The following COX5B variants were observed in gnomAD, a reference collection of about 807,000 sequenced individuals.
COX5B encodes cytochrome c oxidase subunit 5B, mitochondrial.
COX5B carries 8 observed loss-of-function variants against 16.2 expected under a neutral mutation model. That is an observed-to-expected ratio of 0.49 (90% confidence interval 0.29 to 0.89). The LOEUF is 0.89. Ranked by LOEUF, COX5B falls within the 40% of genes least tolerant of loss-of-function variation. The probability of loss-of-function intolerance (pLI) is 0.08; values close to 1 mark genes in which losing one functional copy is unlikely to be tolerated. For synonymous variants in COX5B, 65 were observed against 67.6 expected, an observed-to-expected ratio of 0.96 and a Z score of 0.19; for missense variants, 161 against 168.7, an observed-to-expected ratio of 0.95 and a Z score of 0.25.
At chr2:97,646,466 C>T in intron 1 of COX5B, 1 of 438,400 alleles carries the variant, frequency 2.3e-6, no homozygotes, top group East Asian at 3.9e-5. Flanking sequence ...GGTCCGGCCT[C>T]CCTTCAAACC....
At chr2:97,646,983 C>T (rs1363365753) in intron 1 of COX5B, 84 bp from the exon 2 acceptor site, 2 of 1,417,640 alleles carry the variant, frequency 1.4e-6, no homozygotes, top group Non-Finnish European at 2.0e-6. Context: ...AGTTTCGGGG[C>T]ACCATTTTCC....
At position 97,646,138 on chromosome 2, in the gene COX5B, A is replaced by G; in HGVS notation, c.52A>G (p.Arg18Gly). ...GAGTLAAQAL[R>G]ARGPSGAAAM... ...TGGAACGCTGGCCGCGCAGGCCCTG[A>G]GGGCTCGCGGCCCCAGTGGCGCGGC... The change falls in exon 1 of 4, where the codon AGG (arginine) becomes GGG (glycine). Residue 18 changes from arginine to glycine, a missense_variant. By Grantham distance (125) the Arg-to-Gly change is moderately radical. Transcript: ENST00000258424. The G allele has an allele frequency of 6.4e-7, 1 of 1,557,254 alleles. No homozygotes were observed. The highest frequency in any genetic ancestry group is 8.7e-7 in the Non-Finnish European group (1 of 1,150,328).
At chr2:97,647,263 T>C in intron 2 of COX5B, 81 bp from the exon 3 acceptor site, 2 of 1,525,976 alleles carry the variant, frequency 1.3e-6, no homozygotes, top group Admixed American at 3.4e-5. Flanking sequence ...TCCCCTGAGC[T>C]TCTGGAAGGT....
Position 97,646,984 on chromosome 2 carries a change from A to C in COX5B, c.104-83A>C. On this transcript the variant is annotated intron_variant, in intron 1 of 3. Transcript: ENST00000258424. Reference sequence around the variant, plus strand: ...AAAACTTATACAGAAGTTTCGGGGCACCATTTTCCTTGATCATTTCTGTTT... The same window carrying C: ...AAAACTTATACAGAAGTTTCGGGGCCCCATTTTCCTTGATCATTTCTGTTT... 5 of 1,433,754 alleles carry C rather than the reference A, an allele frequency of 3.5e-6. No homozygotes were observed. The South Asian group carries it at 4.7e-5, about 13-fold the overall frequency. 88.8% of individuals were successfully genotyped at this position (1,433,754 alleles called of 1,614,324 possible).
intron 1 of COX5B, 41 bp downstream of exon 1, chr2:97,646,230 C>A: frequency 7.1e-7 from 1 of 1,399,234 alleles, no homozygotes; most frequent in South Asian, 1.3e-5. Context: ...AGAGTGTTGC[C>A]CTCCCAGGGT....
intron 3 of COX5B, 125 bp downstream of exon 3, chr2:97,647,568 C>G (rs1674681134): frequency 2.4e-6 from 2 of 823,442 alleles, no homozygotes; most frequent in Non-Finnish European, 4.0e-6. Flanking sequence ...TTGACACTCT[C>G]AAGCCTCATT....
In COX5B at chr2:97,647,355, T is replaced by C. The variant is rs768695897; in HGVS notation, c.189T>C (p.Asn63=). 1.2e-6 allele frequency: 2 copies of C among 1,613,692 alleles called. No individual in the cohort carries two copies. Among genetic ancestry groups the C allele is most frequent in the East Asian group, 2.2e-5 (1 of 44,896 alleles). The change falls in exon 3 of 4, where the codon AAT becomes AAC. Residue 63 remains asparagine (N), a synonymous_variant. Transcript: ENST00000258424. The stretch of plus-strand genomic sequence containing the variant: ...TGTTTTTTCTTCAGGACCCATACAA[T>C]GTACTGGCCCCAAAGGGAGCTTCAG... The part of the protein sequence containing the change: ...LAAKKGLDPY[N]VLAPKGASGT...
chr2:97,646,077 C>A lies in COX5B; in HGVS notation c.-10C>A, dbSNP rs1243320447. 1 of 1,550,778 alleles carries A rather than the reference C, an allele frequency of 6.4e-7. No individual in the cohort carries two copies. Among genetic ancestry groups the A allele is most frequent in the South Asian group, 1.2e-5 (1 of 84,042 alleles). ...TGTTCCCGGAAGTTTTGCTGCTAGT[C>A]GCGGACGCAATGGCTTCAAGGTTAC... On this transcript the variant is annotated 5_prime_UTR_variant, in exon 1 of 4. Coordinates refer to ENST00000258424, the MANE Select transcript of COX5B (RefSeq NM_001862.3).
rs562812458 is a variant in COX5B, at chr2:97,646,098, G to T, written c.12G>T (p.Arg4Ser). Residue 4 changes from arginine to serine, a missense_variant, in exon 1 of 4, where the codon AGG becomes AGT. Transcript: ENST00000258424. MASRLLRGAGTLAA... is the reference protein window; with the variant it reads MASSLLRGAGTLAA... ...TAGTCGCGGACGCAATGGCTTCAAG[G>T]TTACTTCGCGGAGCTGGAACGCTGG... The T allele has an allele frequency of 4.5e-5, 70 of 1,556,040 alleles. No individual in the cohort carries two copies. In the South Asian group the frequency reaches 8.1e-4, roughly 18 times the overall value.
At chr2:97,646,864 A>AAT in intron 1 of COX5B, 7 of 470,486 alleles carry the variant, frequency 1.5e-5, no homozygotes, top group Non-Finnish European at 2.7e-5. Flanking sequence ...AGAAAAAAAA[A>AAT]GCTCCCCCGA....
chr2:97,646,889 G>T, intron 1 of COX5B, 178 bp from the exon 2 acceptor site: 1 of 569,514 alleles, frequency 1.8e-6, no homozygotes. Flanking sequence ...TGCCGCTTGT[G>T]TGGATGGGTA....
chr2:97,646,865 G>C (rs1206649123), intron 1 of COX5B: 4 of 451,336 alleles, frequency 8.9e-6, no homozygotes, highest in African/African-American at 8.0e-5. Flanking sequence ...GAAAAAAAAA[G>C]CTCCCCCGAG....
chr2:97,648,209 T>C lies in COX5B; in HGVS notation c.*101T>C, dbSNP rs968153392. On this transcript the variant is annotated 3_prime_UTR_variant, in exon 4 of 4. Transcript: ENST00000258424. Reference sequence around the variant, plus strand: ...CTTCTCCCATAGATGGCTGGTCTTATTTCTTACCCGTATTCTTTGGTAGGC... The same window carrying C: ...CTTCTCCCATAGATGGCTGGTCTTACTTCTTACCCGTATTCTTTGGTAGGC... 5.7e-5 allele frequency: 57 copies of C among 993,970 alleles called. No individual in the cohort carries two copies. Among genetic ancestry groups the C allele is most frequent in the South Asian group, 7.1e-5 (4 of 56,384 alleles). The allele number at this position is 993,970 out of a possible 1,614,324, so 61.6% of individuals were successfully genotyped here. A position where few individuals can be genotyped will look rare whatever the true frequency, so the allele number is the denominator to read the frequency against.
At position 97,647,331 on chromosome 2, in the gene COX5B, GT is replaced by G; in HGVS notation, c.178-7del. 1.2e-6 allele frequency: 2 copies of G among 1,601,914 alleles called. No homozygotes were observed. Among genetic ancestry groups the G allele is most frequent in the Non-Finnish European group, 1.7e-6 (2 of 1,175,308 alleles). On this transcript the variant is annotated splice_polypyrimidine_tract_variant and intron_variant, in intron 2 of 3. Coordinates refer to ENST00000258424, the MANE Select transcript of COX5B (RefSeq NM_001862.3). ...TTTTTTTTGTTTTGTTTTGTTTTTT[GT>G]TTTTTCTTCAGGACCCATACAATGT...
intron 1 of COX5B, chr2:97,646,569 C>G (rs2104484183): frequency 4.7e-6 from 1 of 212,300 alleles, no homozygotes; most frequent in South Asian, 7.9e-5. Context: ...GCTCATAGGC[C>G]GGGCGCGGTG....
chr2:97,647,409 C>T lies in COX5B; in HGVS notation c.243C>T (p.Pro81=), dbSNP rs991376472. 1.2e-6 allele frequency: 2 copies of T among 1,614,030 alleles called. No individual in the cohort carries two copies. The highest frequency in any genetic ancestry group is 1.3e-5 in the African/African-American group (1 of 74,932). Residue 81 remains proline, a synonymous_variant, in exon 3 of 4, where the codon CCC becomes CCT. Transcript: ENST00000258424. The part of the protein sequence containing the change: ...SGTREDPNLV[P]SISNKRIVGC... ...CCAGGGAAGACCCTAATTTAGTCCCCTCCATCTCCAACAAGAGAATAGTAG... is the reference window on the plus strand; with the variant it reads ...CCAGGGAAGACCCTAATTTAGTCCCTTCCATCTCCAACAAGAGAATAGTAG...
At chr2:97,646,569 C>T in intron 1 of COX5B, 1 of 212,300 alleles carries the variant, frequency 4.7e-6, no homozygotes, top group South Asian at 7.9e-5. Context: ...GCTCATAGGC[C>T]GGGCGCGGTG....
chr2:97,647,236 T>C, intron 2 of COX5B, 96 bp downstream of exon 2: 2 of 1,533,606 alleles, frequency 1.3e-6, no homozygotes, highest in South Asian at 2.2e-5. Context: ...TACAGGAAAC[T>C]TGGCTTGTAG....
At chr2:97,646,968 A>G in intron 1 of COX5B, 99 bp from the exon 2 acceptor site, 1 of 1,242,430 alleles carries the variant, frequency 8.0e-7, no homozygotes, top group East Asian at 2.4e-5. Flanking sequence ...TAAAACTTAT[A>G]CAGAAGTTTC....
Sources: allele counts gnomAD v4.1 joint callset, GRCh38; gene constraint gnomAD v4.1.1; transcripts MANE v1.5; gene names NCBI Gene and HGNC (gene_info 2026-07-23, HGNC 2026-07-21).